GLIS3: variants seen among roughly 807,000 people sequenced by gnomAD.
The protein encoded by GLIS3 is zinc finger protein GLIS3.
Under a neutral mutation model 78.6 loss-of-function variants are expected in GLIS3, and 53 were observed. The ratio of observed to expected loss-of-function variants is 0.67; its 90% CI spans 0.54 to 0.85. The LOEUF is 0.85. GLIS3 is among the 40% of genes least tolerant of loss of function. The pLI is 0.00. For missense variants in GLIS3, 1,703 were observed against 1,231.1 expected, an observed-to-expected ratio of 1.38 and a Z score of -5.74; for synonymous variants, 684 against 509.9, an observed-to-expected ratio of 1.34 and a Z score of -4.60.
At chr9:4,042,939 T>C (rs1824942321) in intron 4 of GLIS3, among the ~76,000 whole-genome samples, 1 of 137,584 alleles carries the variant, frequency 7.3e-6, no homozygotes, top group East Asian at 2.2e-4. Flanking sequence ...TCATTAGAGC[T>C]TGCTTGAAAA....
chr9:4,451,695 C>A, the GLIS3 span, among the ~76,000 whole-genome samples: 4 of 152,142 alleles, frequency 2.6e-5, no homozygotes, highest in African/African-American at 9.7e-5. Flanking sequence ...TAAAGAAACT[C>A]ACTCAAAATT....
At chr9:4,445,130 G>C in the GLIS3 span, among the ~76,000 whole-genome samples, 1 of 152,184 alleles carries the variant, frequency 6.6e-6, no homozygotes, top group African/African-American at 2.4e-5. Context: ...TGAGGTGTGG[G>C]AGAGAAGGCA....
At chr9:4,343,778 G>C (rs1817868932) in intron 2 of GLIS3, among the ~76,000 whole-genome samples, 1 of 152,204 alleles carries the variant, frequency 6.6e-6, no homozygotes, top group African/African-American at 2.4e-5. Context: ...CATGGATGCA[G>C]CTGGAGGTCA....
intron 4 of GLIS3, among the ~76,000 whole-genome samples, chr9:4,044,217 G>C (rs1269944286): frequency 6.6e-6 from 1 of 152,204 alleles, no homozygotes; most frequent in Non-Finnish European, 1.5e-5. Flanking sequence ...TCGGAACAGT[G>C]TGTGGCTCTT....
the GLIS3 span, among the ~76,000 whole-genome samples, chr9:4,453,057 T>C: frequency 6.6e-6 from 1 of 152,070 alleles, no homozygotes; most frequent in African/African-American, 2.4e-5. Flanking sequence ...AAACAAGAAA[T>C]AGGAAAAGGA....
At chr9:4,270,222 G>C (rs1223291147) in intron 2 of GLIS3, among the ~76,000 whole-genome samples, 3 of 152,168 alleles carry the variant, frequency 2.0e-5, no homozygotes, top group African/African-American at 7.2e-5. Context: ...ACAGGCCCTT[G>C]ACAGAAATTA....
the GLIS3 span, among the ~76,000 whole-genome samples, chr9:4,395,976 G>A: frequency 6.6e-6 from 1 of 151,780 alleles, no homozygotes; most frequent in Non-Finnish European, 1.5e-5. Context: ...GTTTCACCAT[G>A]TTGGCTAGGA....
chr9:4,059,565 C>A (rs1826449119), intron 4 of GLIS3, among the ~76,000 whole-genome samples: 1 of 152,166 alleles, frequency 6.6e-6, no homozygotes, highest in African/African-American at 2.4e-5. Context: ...GCCTACCATC[C>A]TTCTGCACTT....
At chr9:4,007,880 CG>C (rs1482444662) in intron 4 of GLIS3, among the ~76,000 whole-genome samples, 1 of 4,510 alleles carries the variant, frequency 2.2e-4, no homozygotes, top group Non-Finnish European at 3.6e-4. Flanking sequence ...GCAGGTCGGG[CG>C]GGGGTGGGTG....
intron 2 of GLIS3, among the ~76,000 whole-genome samples, chr9:4,242,522 A>C (rs979949662): frequency 6.6e-6 from 1 of 152,142 alleles, no homozygotes; most frequent in Admixed American, 6.5e-5. Context: ...GGGCATGACC[A>C]ATGCATACTA....
chr9:4,407,370 G>A, the GLIS3 span, among the ~76,000 whole-genome samples: 50 of 152,356 alleles, frequency 3.3e-4, no homozygotes, highest in African/African-American at 1.2e-3. Context: ...AACTGACCGG[G>A]CAAGGTGGCT....
rs767610111 is a variant in GLIS3 at position 4,121,620 on chromosome 9, GACACACACAC to G, written c.597-2749_597-2740del. Among the ~76,000 whole-genome samples the G allele has an allele frequency of 3.0e-3, 426 of 142,212 alleles. 2 individuals carry two copies. Among genetic ancestry groups the G allele is most frequent in the African/African-American group, 0.011 (406 of 38,212 alleles). 93.3% of individuals were successfully genotyped at this position (142,212 alleles called of 152,430 possible). On this transcript the variant is annotated intron_variant, in intron 3 of 10. Coordinates refer to ENST00000381971, the MANE Select transcript of GLIS3 (RefSeq NM_001042413.2). ...CAGGGTTTGGGAAATTTCTCCCAGTGACACACACACACACACACACACACACACACACACA... is the reference window on the plus strand; with the variant it reads ...CAGGGTTTGGGAAATTTCTCCCAGTGACACACACACACACACACACACACA...
At chr9:4,167,148 C>T (rs1564142442) in intron 2 of GLIS3, among the ~76,000 whole-genome samples, 2 of 152,192 alleles carry the variant, frequency 1.3e-5, no homozygotes, top group Non-Finnish European at 2.9e-5. Flanking sequence ...ACAGAAATGA[C>T]ATCCAAAGAG....
intron 2 of GLIS3, among the ~76,000 whole-genome samples, chr9:4,336,789 T>C (rs769238307): frequency 2.6e-5 from 4 of 152,196 alleles, no homozygotes; most frequent in Non-Finnish European, 5.9e-5. Flanking sequence ...CAAGTTTTTA[T>C]GATAGTAGAG....
intron 4 of GLIS3, among the ~76,000 whole-genome samples, chr9:3,956,028 C>CAAAAA (rs5896037): frequency 5.6e-4 from 49 of 87,472 alleles, no homozygotes; most frequent in Middle Eastern, 6.1e-3. Context: ...CCAGATTCAG[C>CAAAAA]AAAAAAAAAA....
chr9:4,490,119 G>A, the GLIS3 span, among the ~76,000 whole-genome samples: 2 of 152,220 alleles, frequency 1.3e-5, no homozygotes, highest in Non-Finnish European at 2.9e-5. Flanking sequence ...AGAACGGAGA[G>A]GGAGACGTGC....
chr9:4,179,526 C>T (rs536074528), intron 2 of GLIS3, among the ~76,000 whole-genome samples: 7 of 152,148 alleles, frequency 4.6e-5, no homozygotes, highest in Non-Finnish European at 8.8e-5. Context: ...TATTTGGAAA[C>T]ACTATTTATT....
At chr9:4,034,079 A>G (rs1234243459) in intron 4 of GLIS3, among the ~76,000 whole-genome samples, 1 of 151,952 alleles carries the variant, frequency 6.6e-6, no homozygotes, top group Non-Finnish European at 1.5e-5. Context: ...AAGTTAAAAA[A>G]TTGGCTGGGC....
the GLIS3 span, among the ~76,000 whole-genome samples, chr9:4,481,515 AGTGT>A: frequency 0.03 from 4,438 of 147,576 alleles, 116 homozygotes; most frequent in African/African-American, 0.075. Context: ...TAAAAACATA[AGTGT>A]GTGTGTGTGT....
Sources: allele counts gnomAD v4.1 joint callset (sites outside exome capture counted in the v4.1 genomes callset), GRCh38; gene constraint gnomAD v4.1.1; transcripts MANE v1.5; gene names NCBI Gene and HGNC (gene_info 2026-07-23, HGNC 2026-07-21).